The following CNIH3 variants were observed in gnomAD, a reference collection of about 807,000 sequenced individuals.
The protein encoded by CNIH3 is cornichon family AMPA receptor auxiliary protein 3.
A neutral mutation model predicts 24.1 loss-of-function variants in CNIH3; 14 were observed. The ratio of observed to expected loss-of-function variants is 0.58; its 90% CI spans 0.38 to 0.91. The LOEUF (loss-of-function observed/expected upper bound fraction) is 0.91, where lower values mean the gene tolerates loss of function less well. Ranked by LOEUF, CNIH3 falls within the 40% of genes least tolerant of loss-of-function variation. CNIH3 has a pLI of 0.00. For synonymous variants in CNIH3, 68 were observed against 73.8 expected, an observed-to-expected ratio of 0.92 and a Z score of 0.40; for missense variants, 178 against 196.8, an observed-to-expected ratio of 0.90 and a Z score of 0.57.
At position 224,491,213 on chromosome 1, in the gene CNIH3, G is replaced by A. The variant is rs189401341; in HGVS notation, n.204-24528G>A. On this transcript the variant is annotated intron_variant and non_coding_transcript_variant, in intron 1 of 5. Coordinates refer to the CNIH3 transcript ENST00000471578. ...CTGAGGAACAAAAACCATCCAGTTT[G>A]CTTCTATGAGGTTTCGTTTGTCTGA... is the stretch of plus-strand genomic sequence containing the variant. 2.4e-3 allele frequency among the ~76,000 whole-genome samples: 362 copies of A among 152,298 alleles called. 1 individual carries two copies. The highest frequency in any genetic ancestry group is 4.1e-3 in the Non-Finnish European group (279 of 68,012).
chr1:224,505,032 C>CCCTA (rs1331061119), intron 1 of CNIH3, among the ~76,000 whole-genome samples: 3 of 45,822 alleles, frequency 6.5e-5, no homozygotes, highest in Admixed American at 2.4e-4. Flanking sequence ...CTCCCTCCCT[C>CCCTA]CCTTCCTTCC....
chr1:224,725,908 G>A (rs1222379161), intron 3 of CNIH3, among the ~76,000 whole-genome samples: 1 of 152,118 alleles, frequency 6.6e-6, no homozygotes, highest in Non-Finnish European at 1.5e-5. Context: ...GTAAAAATAA[G>A]ACAGGACTTG....
At chr1:224,727,317 T>C (rs896005644) in intron 3 of CNIH3, among the ~76,000 whole-genome samples, 2 of 152,220 alleles carry the variant, frequency 1.3e-5, no homozygotes, top group East Asian at 3.8e-4. Context: ...TCTTGGCAGC[T>C]TAAAACAACA....
chr1:224,528,236 C>G (rs191292572), intron 2 of CNIH3, among the ~76,000 whole-genome samples: 55 of 152,166 alleles, frequency 3.6e-4, no homozygotes, highest in Admixed American at 7.9e-4. Context: ...TGCACTCCAG[C>G]CTGGGTGACA....
At chr1:224,637,281 T>C (rs1391991635) in intron 1 of CNIH3, among the ~76,000 whole-genome samples, 1 of 152,066 alleles carries the variant, frequency 6.6e-6, no homozygotes, top group African/African-American at 2.4e-5. Flanking sequence ...TGTGAGCAGA[T>C]ATTTCCATCT....
At chr1:224,556,751 C>T (rs865963278) in intron 3 of CNIH3, among the ~76,000 whole-genome samples, 1 of 152,304 alleles carries the variant, frequency 6.6e-6, no homozygotes, top group Middle Eastern at 3.4e-3. Context: ...GCTCTCTCAC[C>T]CACTGCTCAC....
Position 224,534,942 on chromosome 1 carries a change from T to C in CNIH3, n.344-1994T>C, listed in dbSNP as rs568335114. ...GCAGGTACTCATCAGCTGTAGGCAG[T>C]GTGCCTTGCAGATTCAGCCTCTTCA... On this transcript the variant is annotated intron_variant and non_coding_transcript_variant, in intron 2 of 2. Coordinates refer to the CNIH3 transcript ENST00000470602. Among the ~76,000 whole-genome samples, 556 of 152,316 alleles carry C rather than the reference T, an allele frequency of 3.7e-3. 5 individuals are homozygous for C. The highest frequency in any genetic ancestry group is 0.013 in the African/African-American group (522 of 41,568).
At chr1:224,493,004 T>C (rs141905568) in intron 1 of CNIH3, among the ~76,000 whole-genome samples, 2 of 152,332 alleles carry the variant, frequency 1.3e-5, no homozygotes, top group Admixed American at 1.3e-4. Flanking sequence ...CAGTGATCCA[T>C]GGAATCCATT....
At position 224,674,272 on chromosome 1, in the gene CNIH3, G is replaced by GTTTTTT. The variant is rs71170028; in HGVS notation, c.82-6656_82-6651dup. 2.5e-3 allele frequency among the ~76,000 whole-genome samples: 183 copies of GTTTTTT among 72,056 alleles called. 12 individuals are homozygous for GTTTTTT. Among genetic ancestry groups the GTTTTTT allele is most frequent in the African/African-American group, 3.1e-3 (57 of 18,638 alleles). 47.3% of individuals were successfully genotyped at this position (72,056 alleles called of 152,430 possible). On this transcript the variant is annotated intron_variant, in intron 1 of 5. Coordinates refer to ENST00000272133, the MANE Select transcript of CNIH3 (RefSeq NM_152495.2). Reference sequence around the variant, plus strand: ...AATCGTTTCTTCATCTTCCAGGAAGGTTTTTTTTTTTTTTTTTTTTTTTTT... The same window carrying GTTTTTT: ...AATCGTTTCTTCATCTTCCAGGAAGGTTTTTTTTTTTTTTTTTTTTTTTTTTTTTTT...
At chr1:224,674,881 T>C (rs2125135386) in intron 1 of CNIH3, among the ~76,000 whole-genome samples, 1 of 152,256 alleles carries the variant, frequency 6.6e-6, no homozygotes, top group South Asian at 2.1e-4. Flanking sequence ...TGATATAACT[T>C]GATCCTTCTC....
chr1:224,579,074 T>C (rs1161737986), intron 4 of CNIH3, among the ~76,000 whole-genome samples: 3 of 151,836 alleles, frequency 2.0e-5, no homozygotes, highest in South Asian at 4.2e-4. Flanking sequence ...TTTCTTTTTT[T>C]TTTTTTCTTT....
At chr1:224,643,708 G>GTAA in intron 1 of CNIH3, among the ~76,000 whole-genome samples, 1 of 152,210 alleles carries the variant, frequency 6.6e-6, no homozygotes, top group South Asian at 2.1e-4. Flanking sequence ...AAAAAAGTGG[G>GTAA]GAACAGGGAC....
At chr1:224,694,079 G>A (rs1209293752) in intron 3 of CNIH3, among the ~76,000 whole-genome samples, 1 of 152,234 alleles carries the variant, frequency 6.6e-6, no homozygotes, top group Non-Finnish European at 1.5e-5. Context: ...CTGGATCTGT[G>A]GAGGAGGAGA....
intron 1 of CNIH3, among the ~76,000 whole-genome samples, chr1:224,472,162 G>A (rs1676400176): frequency 6.6e-6 from 1 of 152,108 alleles, no homozygotes; most frequent in Non-Finnish European, 1.5e-5. Flanking sequence ...TCTTCATAGT[G>A]GTTGTACTAA....
At chr1:224,451,368 T>A (rs955169457) in intron 1 of CNIH3, among the ~76,000 whole-genome samples, 1 of 152,214 alleles carries the variant, frequency 6.6e-6, no homozygotes, top group Admixed American at 6.5e-5. Flanking sequence ...AGAGTCATGA[T>A]GTACTAGAGA....
At chr1:224,588,631 C>A (rs1681612084), downstream of CNIH3, 1 of 152,014 alleles carries the variant, frequency 6.6e-6, no homozygotes, top group Non-Finnish European at 1.5e-5. Flanking sequence ...CATTTAAACT[C>A]CCATAGTGTA....
At position 224,582,729 on chromosome 1, in the gene CNIH3, C is replaced by G. The variant is rs554716750; in HGVS notation, n.517-435C>G. Among the ~76,000 whole-genome samples, 5 of 152,276 alleles carry G rather than the reference C, an allele frequency of 3.3e-5. No individual in the cohort carries two copies. The South Asian group carries it at 1.0e-3, about 32-fold the overall frequency. On this transcript the variant is annotated intron_variant and non_coding_transcript_variant, in intron 4 of 5. Coordinates refer to the CNIH3 transcript ENST00000471578. ...CAAATGCCTTCTAAAGAGGCTGAGA[C>G]CTGCCATATGGAGGACTTTGTTTTT...
In CNIH3 at chr1:224,475,768, T is replaced by C. The variant is rs191153715; in HGVS notation, n.204-39973T>C. Among the ~76,000 whole-genome samples the C allele has an allele frequency of 7.8e-4, 119 of 152,256 alleles. 1 individual carries two copies. The highest frequency in any genetic ancestry group is 2.5e-3 in the African/African-American group (105 of 41,544). ...TGCACTATGAGGCCAGTATTACCAG[T>C]AAACTAGACAAAGCCTCACCAATAA... On this transcript the variant is annotated intron_variant and non_coding_transcript_variant, in intron 1 of 5. Transcript: ENST00000471578.
intron 4 of CNIH3, among the ~76,000 whole-genome samples, chr1:224,580,849 T>A (rs755621631): frequency 6.6e-6 from 1 of 151,992 alleles, no homozygotes; most frequent in South Asian, 2.1e-4. Flanking sequence ...CAGTTAATTA[T>A]GTATTCACCT....
Sources: allele counts gnomAD v4.1 joint callset (sites outside exome capture counted in the v4.1 genomes callset), GRCh38; gene constraint gnomAD v4.1.1; transcripts MANE v1.5; gene names NCBI Gene and HGNC (gene_info 2026-07-23, HGNC 2026-07-21).